Variants in SPSB1 observed in about 807,000 individuals in gnomAD.
SPSB1 encodes SPRY domain-containing SOCS box protein 1.
Under a neutral mutation model 21.2 loss-of-function variants are expected in SPSB1, and 8 were observed. That is an observed-to-expected ratio of 0.38 (90% confidence interval 0.22 to 0.68). The LOEUF (loss-of-function observed/expected upper bound fraction) is 0.68, where lower values mean the gene tolerates loss of function less well. SPSB1 is among the 30% of genes least tolerant of loss of function. SPSB1 has a pLI of 0.53. For missense variants in SPSB1, 242 were observed against 377.8 expected (o/e 0.64, Z 2.98); for synonymous variants, 169 against 161.7 (o/e 1.05, Z -0.34).
At chr1:9,306,221 G>A (rs1327242375) in intron 1 of SPSB1, among the ~76,000 whole-genome samples, 1 of 152,224 alleles carries the variant, frequency 6.6e-6, no homozygotes, top group African/African-American at 2.4e-5. Context: ...ATCCTTTCGG[G>A]TGTGCCGAGG....
rs944595817 is a variant in SPSB1 at position 9,305,125 on chromosome 1, T to A, written c.-150+12054T>A. Among the ~76,000 whole-genome samples the A allele has an allele frequency of 5.9e-5, 9 of 151,340 alleles. No individual in the cohort carries two copies. The highest frequency in any genetic ancestry group is 1.3e-4 in the Non-Finnish European group (9 of 67,840). On this transcript the variant is annotated intron_variant, in intron 1 of 2. Transcript: ENST00000328089. The surrounding 1 kb of genome is among the most constrained non-coding windows in gnomAD (Gnocchi z 4.8). ...TGGCCCATCTGCCCCCTCAGGAGAG[T>A]CCCTCTCCTCCCTTATAGCCTCAGC...
intron 1 of SPSB1, among the ~76,000 whole-genome samples, chr1:9,333,592 A>G (rs1569615202): frequency 6.6e-6 from 1 of 152,066 alleles, no homozygotes; most frequent in African/African-American, 2.4e-5. Context: ...CGGCCTCCCA[A>G]AGTGCTGGGA....
At chr1:9,364,844 T>C (rs1640540754) in intron 2 of SPSB1, among the ~76,000 whole-genome samples, 1 of 151,956 alleles carries the variant, frequency 6.6e-6, no homozygotes, top group African/African-American at 2.4e-5. Flanking sequence ...TTGTTGTTGT[T>C]GTCGTTGTTG....
chr1:9,343,854 C>A (rs571246535), intron 1 of SPSB1, among the ~76,000 whole-genome samples: 1 of 152,116 alleles, frequency 6.6e-6, no homozygotes, highest in Non-Finnish European at 1.5e-5. Flanking sequence ...GGCGCGATCT[C>A]GGCTCACTGA....
chr1:9,301,081 G>A (rs753460965), intron 1 of SPSB1, among the ~76,000 whole-genome samples: 7 of 152,262 alleles, frequency 4.6e-5, no homozygotes, highest in Non-Finnish European at 8.8e-5. Context: ...TTGCTTCGAA[G>A]GAGAGATGGC....
rs1168319212 is a variant in SPSB1 at position 9,321,201 on chromosome 1, G to A, written c.-150+28130G>A. 6.6e-6 allele frequency among the ~76,000 whole-genome samples: 1 copy of A among 151,970 alleles called. No individual in the cohort carries two copies. The highest frequency in any genetic ancestry group is 1.5e-5 in the Non-Finnish European group (1 of 68,030). ...AAACCTTCTTAGTTTAGTCTGCAGA[G>A]GCGTCTCAGGCGGTGGGCCTTAAAC... On this transcript the variant is annotated intron_variant, in intron 1 of 2. Transcript: ENST00000328089. The surrounding 1 kb of genome is among the most constrained non-coding windows in gnomAD (Gnocchi z 4.8).
intron 2 of SPSB1, among the ~76,000 whole-genome samples, chr1:9,365,564 G>T (rs541342556): frequency 6.9e-6 from 1 of 145,856 alleles, no homozygotes; most frequent in Non-Finnish European, 1.5e-5. Context: ...GGCCTCTTGC[G>T]TGGTGAGATG....
Position 9,363,550 on chromosome 1 carries a change from T to G in SPSB1, c.695-3898T>G, listed in dbSNP as rs566331461. On this transcript the variant is annotated intron_variant, in intron 2 of 2. Coordinates refer to ENST00000328089, the MANE Select transcript of SPSB1 (RefSeq NM_025106.4). The surrounding 1 kb of genome is among the most constrained non-coding windows in gnomAD (Gnocchi z 4.5). Reference sequence around the variant, plus strand: ...TGTAACTCTCACCTCCCCAAGCCCATTTCCCTATCTGTAGGTTGGGGTCAC... The same window carrying G: ...TGTAACTCTCACCTCCCCAAGCCCAGTTCCCTATCTGTAGGTTGGGGTCAC... Among the ~76,000 whole-genome samples the G allele has an allele frequency of 1.1e-4, 17 of 152,144 alleles. No individual in the cohort carries two copies. The highest frequency in any genetic ancestry group is 3.9e-4 in the African/African-American group (16 of 41,498).
intron 1 of SPSB1, among the ~76,000 whole-genome samples, chr1:9,295,395 CG>C (rs927601498): frequency 1.4e-4 from 21 of 152,164 alleles, no homozygotes; most frequent in African/African-American, 5.1e-4. Flanking sequence ...GGGAGCAAGG[CG>C]GGTGCCATGC....
In SPSB1 at chr1:9,321,265, C is replaced by T. The variant is rs1639718312; in HGVS notation, c.-150+28194C>T. ...GGGCTTAGCTGACTCCTTCGAGCGT[C>T]GAGTTTCTGGGTTGATGGCACATCC... is the stretch of plus-strand genomic sequence containing the variant. On this transcript the variant is annotated intron_variant, in intron 1 of 2. Transcript: ENST00000328089. The surrounding 1 kb of genome is among the most constrained non-coding windows in gnomAD (Gnocchi z 4.8). Among the ~76,000 whole-genome samples the T allele has an allele frequency of 6.6e-6, 1 of 152,140 alleles. No individual in the cohort carries two copies. The highest frequency in any genetic ancestry group is 6.5e-5 in the Admixed American group (1 of 15,288).
chr1:9,306,573 A>G (rs894510195), intron 1 of SPSB1, among the ~76,000 whole-genome samples: 1 of 152,162 alleles, frequency 6.6e-6, no homozygotes, highest in Non-Finnish European at 1.5e-5. Flanking sequence ...CATTTTACAG[A>G]TGAGAAAAAC....
Position 9,345,603 on chromosome 1 carries a change from A to G in SPSB1, c.-149-10140A>G, listed in dbSNP as rs1402054535. On this transcript the variant is annotated intron_variant, in intron 1 of 2. Coordinates refer to ENST00000328089, the MANE Select transcript of SPSB1 (RefSeq NM_025106.4). The surrounding 1 kb of genome is among the most constrained non-coding windows in gnomAD (Gnocchi z 4.8). ...CCTGACTAAGCTACAGCTGCGATAT[A>G]TTGTAATTTTCAGTCTGTTTGACTA... Among the ~76,000 whole-genome samples, 1 of 151,978 alleles carries G rather than the reference A, an allele frequency of 6.6e-6. No homozygotes were observed. The highest frequency in any genetic ancestry group is 2.4e-5 in the African/African-American group (1 of 41,370).
chr1:9,331,321 GTTTTTTTTTTT>G (rs34199175), intron 1 of SPSB1, among the ~76,000 whole-genome samples: 3 of 53,704 alleles, frequency 5.6e-5, no homozygotes, highest in Non-Finnish European at 6.5e-5. Context: ...TGGTGCTCTT[GTTTTTTTTTTT>G]TTTTTTTTTT....
chr1:9,329,459 T>C (rs1278762492), intron 1 of SPSB1, among the ~76,000 whole-genome samples: 1 of 151,736 alleles, frequency 6.6e-6, no homozygotes, highest in Non-Finnish European at 1.5e-5. Context: ...AGAGAGCCTT[T>C]GGGAAGATGG....
rs1018623664 is a variant in SPSB1 at position 9,345,588 on chromosome 1, C to G, written c.-149-10155C>G. On this transcript the variant is annotated intron_variant, in intron 1 of 2. Transcript: ENST00000328089. The surrounding 1 kb of genome is among the most constrained non-coding windows in gnomAD (Gnocchi z 4.8). The stretch of plus-strand genomic sequence containing the variant: ...CGTTGTCCTCGCCACCCTGACTAAG[C>G]TACAGCTGCGATATATTGTAATTTT... Among the ~76,000 whole-genome samples, 2 of 152,202 alleles carry G rather than the reference C, an allele frequency of 1.3e-5. No individual in the cohort carries two copies. Among genetic ancestry groups the G allele is most frequent in the African/African-American group, 4.8e-5 (2 of 41,450 alleles).
At position 9,356,414 on chromosome 1, in the gene SPSB1, G is replaced by C; in HGVS notation, c.523G>C (p.Asp175His). ...ACCAGATGAGACATTCATTGTCCCT[G>C]ACTCCTTCCTGGTAGCCCTGGACAT... The part of the protein sequence containing the change: ...LEPDETFIVP[D>H]SFLVALDMDD... Residue 175 changes from aspartate to histidine, a missense_variant, in exon 2 of 3, where the codon GAC becomes CAC. Coordinates refer to ENST00000328089, the MANE Select transcript of SPSB1 (RefSeq NM_025106.4). This position sits in a 1 kb window ranked among gnomAD's most constrained non-coding sequence, Gnocchi z 7.4. 6.2e-7 allele frequency: 1 copy of C among 1,614,146 alleles called. No individual in the cohort carries two copies. Among genetic ancestry groups the C allele is most frequent in the Non-Finnish European group, 8.5e-7 (1 of 1,180,046 alleles).
chr1:9,330,697 T>C (rs1247626685), intron 1 of SPSB1, among the ~76,000 whole-genome samples: 4 of 51,420 alleles, frequency 7.8e-5, no homozygotes, highest in Non-Finnish European at 4.1e-5. Flanking sequence ...GAGCATGTTC[T>C]TCTGAACTTT....
Position 9,316,323 on chromosome 1 carries a change from C to T in SPSB1, c.-150+23252C>T, listed in dbSNP as rs554068638. Among the ~76,000 whole-genome samples, 182 of 152,276 alleles carry T rather than the reference C, an allele frequency of 1.2e-3. 1 individual carries two copies. Among genetic ancestry groups the T allele is most frequent in the Non-Finnish European group, 1.9e-3 (128 of 68,012 alleles). On this transcript the variant is annotated intron_variant, in intron 1 of 2. Coordinates refer to ENST00000328089, the MANE Select transcript of SPSB1 (RefSeq NM_025106.4). Reference sequence around the variant, plus strand: ...GGAGATGGGGGCGTCCCTTGGCATGCTAGACTGTGCTAGGGCAGAGGTGAG... The same window carrying T: ...GGAGATGGGGGCGTCCCTTGGCATGTTAGACTGTGCTAGGGCAGAGGTGAG...
In SPSB1 at chr1:9,317,895, T is replaced by C. The variant is rs1639641127; in HGVS notation, c.-150+24824T>C. Among the ~76,000 whole-genome samples, 1 of 151,932 alleles carries C rather than the reference T, an allele frequency of 6.6e-6. No homozygotes were observed. The highest frequency in any genetic ancestry group is 1.5e-5 in the Non-Finnish European group (1 of 67,954). ...TTGGCGGGTCGCTTTGGTGGGAGTT[T>C]CTTGCTTCCTTGGCACACCATTCGC... On this transcript the variant is annotated intron_variant, in intron 1 of 2. Transcript: ENST00000328089. The surrounding 1 kb of genome is among the most constrained non-coding windows in gnomAD (Gnocchi z 4.3).
Sources: gnomAD v4.1 joint callset for allele counts (sites outside exome capture counted in the v4.1 genomes callset) on GRCh38, gnomAD v4.1.1 for gene constraint, Gnocchi (gnomAD v3.1) non-coding constraint, MANE v1.5 for transcripts, NCBI Gene and HGNC (gene_info 2026-07-23, HGNC 2026-07-21) for gene names.